The following DEF8 variants were observed in gnomAD, a reference collection of about 807,000 sequenced individuals.
DEF8 encodes the protein differentially expressed in FDCP 8 homolog.
In DEF8, 38 loss-of-function variants were observed where a neutral mutation model predicts 59.1. The observed-to-expected ratio is 0.64, with a 90% CI of 0.50 to 0.84. DEF8 has a LOEUF of 0.84. Among genes scored for constraint, DEF8 ranks in the 40% least tolerant of loss-of-function variants. The pLI, the probability that DEF8 is intolerant of heterozygous loss-of-function variation, is 0.00. For synonymous variants in DEF8, 265 were observed against 250.1 expected (o/e 1.06, Z -0.56); for missense variants, 557 against 615.2 (o/e 0.91, Z 1.00).
chr16:89,961,507 A>G (rs773605821), intron 7 of DEF8, among the ~76,000 whole-genome samples: 3 of 152,192 alleles, frequency 2.0e-5, no homozygotes, highest in Admixed American at 6.5e-5. Flanking sequence ...GTGTTAATTC[A>G]TGAAGTCCCT....
At chr16:89,952,019 A>G (rs1250687990) in intron 2 of DEF8, among the ~76,000 whole-genome samples, 6 of 152,094 alleles carry the variant, frequency 3.9e-5, no homozygotes, top group African/African-American at 1.4e-4. Flanking sequence ...CTGGGGCTAC[A>G]GGCGCCTGCC....
At position 89,967,779 on chromosome 16, in the gene DEF8, A is replaced by G. The variant is rs753009754; in HGVS notation, c.*1816A>G. On this transcript the variant is annotated 3_prime_UTR_variant, in exon 13 of 13. Coordinates refer to ENST00000563594, the MANE Select transcript of DEF8 (RefSeq NM_001242818.2). ...AGTTACAAATCACTGTGTCCATAGAAAAACTGTGCTGGTATTTGCTGGACA... is the reference window on the plus strand; with the variant it reads ...AGTTACAAATCACTGTGTCCATAGAGAAACTGTGCTGGTATTTGCTGGACA... 2.9e-4 allele frequency: 76 copies of G among 262,306 alleles called. No homozygotes were observed. The highest frequency in any genetic ancestry group is 5.1e-4 in the Non-Finnish European group (72 of 140,312). The allele number at this position is 262,306 out of a possible 1,614,324, so 16.2% of individuals were successfully genotyped here. A position where few individuals can be genotyped will look rare whatever the true frequency, so the allele number is the denominator to read the frequency against.
At position 89,963,915 on chromosome 16, in the gene DEF8, CG is replaced by C. The variant is rs572232550; in HGVS notation, c.1003-251del. On this transcript the variant is annotated intron_variant, in intron 10 of 12. Transcript: ENST00000563594. Reference sequence around the variant, plus strand: ...GGGAATGTGGGAAGCGTGGGGAGTGCGGGGATGCGGTGTGGCTGGGAGGGGC... The same window carrying C: ...GGGAATGTGGGAAGCGTGGGGAGTGCGGGATGCGGTGTGGCTGGGAGGGGC... The C allele has an allele frequency of 7.6e-4, 438 of 572,682 alleles. 2 individuals are homozygous for C. The highest frequency in any genetic ancestry group is 7.6e-3 in the African/African-American group (390 of 51,124). The allele number at this position is 572,682 out of a possible 1,614,324, so 35.5% of individuals were successfully genotyped here.
intron 3 of DEF8, 56 bp from the exon 4 acceptor site, chr16:89,955,113 G>T (rs2032924414): frequency 2.2e-6 from 3 of 1,369,732 alleles, no homozygotes; most frequent in Non-Finnish European, 3.1e-6. Flanking sequence ...CTCCCTAGGG[G>T]ATGGGAGGCA....
rs2034692519 is a variant in DEF8, at chr16:89,967,871, C to G, written c.*1908C>G. The stretch of plus-strand genomic sequence containing the variant: ...TCCCCCACCTGCCCCTTCTGGGTGA[C>G]ACAGCCGGTAAACGGAATCACGTAT... On this transcript the variant is annotated 3_prime_UTR_variant, in exon 13 of 13. Coordinates refer to ENST00000563594, the MANE Select transcript of DEF8 (RefSeq NM_001242818.2). 6.4e-6 allele frequency: 1 copy of G among 157,336 alleles called. No homozygotes were observed. Among genetic ancestry groups the G allele is most frequent in the Non-Finnish European group, 1.4e-5 (1 of 71,684 alleles). The allele number at this position is 157,336 out of a possible 1,614,324, so 9.7% of individuals were successfully genotyped here.
In DEF8 at chr16:89,967,815, C is replaced by A. The variant is rs1444013407; in HGVS notation, c.*1852C>A. On this transcript the variant is annotated 3_prime_UTR_variant, in exon 13 of 13. Transcript: ENST00000563594. ...GGTATTTGCTGGACAAAGGGTTGGG[C>A]CCCTTTTATTTTTACCTGCCACCCA... is the stretch of plus-strand genomic sequence containing the variant. The A allele has an allele frequency of 5.2e-6, 1 of 192,370 alleles. No homozygotes were observed. Among genetic ancestry groups the A allele is most frequent in the African/African-American group, 2.3e-5 (1 of 42,586 alleles). 11.9% of individuals were successfully genotyped at this position (192,370 alleles called of 1,614,324 possible). A position where few individuals can be genotyped will look rare whatever the true frequency, so the allele number is the denominator to read the frequency against.
intron 11 of DEF8, 51 bp from the exon 12 acceptor site, chr16:89,964,415 A>T (rs1489801409): frequency 1.3e-6 from 2 of 1,554,340 alleles, no homozygotes; most frequent in African/African-American, 1.4e-5. Context: ...GAGTGCCCAG[A>T]GGAGCTGGCA....
chr16:89,957,732 G>A, intron 5 of DEF8, 72 bp downstream of exon 5: 1 of 1,449,062 alleles, frequency 6.9e-7, no homozygotes, highest in Non-Finnish European at 9.1e-7. Flanking sequence ...GGAGGACCCT[G>A]CCAGCCTCTG....
intron 1 of DEF8, among the ~76,000 whole-genome samples, chr16:89,949,091 GGGACGGGGCCGGCGA>G (rs1160040443): frequency 1.5e-5 from 2 of 134,886 alleles, no homozygotes; most frequent in African/African-American, 5.3e-5. Context: ...GGGGCCGGCG[GGGACGGGGCCGGCGA>G]GGTCGGGGCC....
Position 89,959,171 on chromosome 16 carries a change from G to A in DEF8, c.514+16G>A. ...ACCTGCACAGGTGGGCCGAGACCCA[G>A]ACGAGGAGTGAGGAATGAGAGAGAC... On this transcript the variant is annotated intron_variant, in intron 6 of 12. Coordinates refer to ENST00000563594, the MANE Select transcript of DEF8 (RefSeq NM_001242818.2). 1 of 1,613,866 alleles carries A rather than the reference G, an allele frequency of 6.2e-7. No individual in the cohort carries two copies. Among genetic ancestry groups the A allele is most frequent in the South Asian group, 1.1e-5 (1 of 91,090 alleles).
intron 7 of DEF8, among the ~76,000 whole-genome samples, chr16:89,961,330 A>G (rs574796010): frequency 1.6e-4 from 24 of 152,342 alleles, no homozygotes; most frequent in Admixed American, 1.2e-3. Context: ...GAGCACCTGG[A>G]GGGCTGGGAC....
At chr16:89,950,293 T>C (rs953881553) in intron 2 of DEF8, 49 of 985,398 alleles carry the variant, frequency 5.0e-5, no homozygotes, top group Non-Finnish European at 5.5e-5. Context: ...ACTGACATCA[T>C]AAACAAGTCC....
Position 89,948,839 on chromosome 16 carries a change from T to TTGGGGCCGGCGGGGA in DEF8, c.-108+25_-108+26insTGGGGCCGGCGGGGA. On this transcript the variant is annotated intron_variant, in intron 1 of 12. Transcript: ENST00000563594. Reference sequence around the variant, plus strand: ...GGTGAGCGGCGCGGGGCCGGCGGGGTCGGGGCCGGCGGGGACGGGGCCGGC... The same window carrying TTGGGGCCGGCGGGGA: ...GGTGAGCGGCGCGGGGCCGGCGGGGTTGGGGCCGGCGGGGACGGGGCCGGCGGGGACGGGGCCGGC... The TTGGGGCCGGCGGGGA allele has an allele frequency of 1.3e-5, 11 of 850,400 alleles. No individual in the cohort carries two copies. In the South Asian group the frequency reaches 5.5e-4, roughly 42 times the overall value. 52.7% of individuals were successfully genotyped at this position (850,400 alleles called of 1,614,324 possible).
intron 6 of DEF8, chr16:89,959,360 A>G: frequency 7.0e-7 from 1 of 1,436,318 alleles, no homozygotes; most frequent in South Asian, 1.5e-5. Flanking sequence ...TAAACTAGTG[A>G]ATTACATGGT....
intron 2 of DEF8, chr16:89,949,737 G>T: frequency 8.3e-7 from 1 of 1,206,116 alleles, no homozygotes; most frequent in East Asian, 2.5e-5. Flanking sequence ...CTAAGTTGTG[G>T]GGTCCTCCCC....
chr16:89,952,358 A>G (rs914058674), intron 2 of DEF8, among the ~76,000 whole-genome samples: 1 of 152,096 alleles, frequency 6.6e-6, no homozygotes, highest in Admixed American at 6.5e-5. Context: ...TCTTGCCTAT[A>G]AATCAGGGAG....
chr16:89,955,799 G>A (rs111571136), intron 4 of DEF8, among the ~76,000 whole-genome samples: 2,119 of 152,348 alleles, frequency 0.014, 49 homozygotes, highest in African/African-American at 0.049. Flanking sequence ...GAGGCCGGGC[G>A]CGGTGGCTCA....
Position 89,961,017 on chromosome 16 carries a change from G to A in DEF8, c.601G>A (p.Glu201Lys), listed in dbSNP as rs2033956145. 3 of 1,614,128 alleles carry A rather than the reference G, an allele frequency of 1.9e-6. No individual in the cohort carries two copies. Among genetic ancestry groups the A allele is most frequent in the Middle Eastern group, 1.6e-4 (1 of 6,062 alleles). ...CAAAGTCAGCCACCAAGCTGAATACGAACTGAACATCTGCCCTGAGACAGG... is the reference window on the plus strand; with the variant it reads ...CAAAGTCAGCCACCAAGCTGAATACAAACTGAACATCTGCCCTGAGACAGG... ...SSKVSHQAEY[E>K]LNICPETGLD... The change falls in exon 7 of 13, where the codon GAA becomes AAA. Residue 201 changes from glutamate (E) to lysine (K), a missense_variant. Glu to Lys is a moderately conservative substitution (Grantham distance 56). Transcript: ENST00000563594.
At chr16:89,964,096 C>T (rs1293026681) in intron 10 of DEF8, 74 bp from the exon 11 acceptor site, 1 of 1,597,138 alleles carries the variant, frequency 6.3e-7, no homozygotes, top group African/African-American at 1.3e-5. Context: ...GCCCTGACCA[C>T]TGCAGCGACC....
Sources: gnomAD v4.1 joint callset for allele counts (sites outside exome capture counted in the v4.1 genomes callset) on GRCh38, gnomAD v4.1.1 for gene constraint, MANE v1.5 for transcripts, NCBI Gene and HGNC (gene_info 2026-07-23, HGNC 2026-07-21) for gene names.